Variants in CCDC146 observed in about 807,000 individuals in gnomAD.
CCDC146 encodes the protein coiled-coil domain-containing protein 146.
In CCDC146, 92 loss-of-function variants were observed where a neutral mutation model predicts 119.3. The ratio of observed to expected loss-of-function variants is 0.77; its 90% CI spans 0.65 to 0.92. CCDC146 has a LOEUF of 0.92. Ranked by LOEUF, CCDC146 falls within the 40% of genes least tolerant of loss-of-function variation. CCDC146 has a pLI of 0.00. For missense variants in CCDC146, 1,000 were observed against 1,103.0 expected (o/e 0.91, Z 1.32); for synonymous variants, 372 against 371.8 (o/e 1.00, Z -0.01).
intron 1 of CCDC146, among the ~76,000 whole-genome samples, chr7:77,143,570 A>G (rs13245020): frequency 0.15 from 22,548 of 151,952 alleles, 2,454 homozygotes; most frequent in Non-Finnish European, 0.21. Flanking sequence ...TAAGACTTTA[A>G]TCAATCTTGA....
intron 2 of CCDC146, among the ~76,000 whole-genome samples, chr7:77,185,705 C>T (rs1791657117): frequency 6.6e-6 from 1 of 152,084 alleles, no homozygotes; most frequent in African/African-American, 2.4e-5. Context: ...CATGCACAAG[C>T]GTCAAGACCA....
At chr7:77,271,541 T>C (rs1335619589) in intron 9 of CCDC146, among the ~76,000 whole-genome samples, 3 of 93,342 alleles carry the variant, frequency 3.2e-5, no homozygotes, top group African/African-American at 1.5e-4. Flanking sequence ...TATATATATA[T>C]ATATATATAT....
chr7:77,130,600 T>TC lies in CCDC146; in HGVS notation c.-12+7868_-12+7869insC, dbSNP rs1362110921. On this transcript the variant is annotated intron_variant, in intron 1 of 18. Transcript: ENST00000285871. Reference sequence around the variant, plus strand: ...GCCAGCATAATATCCTTTCTTTCTTTTTTTTTTTTTTTTTTTGAGACGGAG... The same window carrying TC: ...GCCAGCATAATATCCTTTCTTTCTTTCTTTTTTTTTTTTTTTTGAGACGGAG... Among the ~76,000 whole-genome samples, 43 of 110,816 alleles carry TC rather than the reference T, an allele frequency of 3.9e-4. 1 individual carries two copies. Among genetic ancestry groups the TC allele is most frequent in the African/African-American group, 1.3e-3 (42 of 33,458 alleles). 72.7% of individuals were successfully genotyped at this position (110,816 alleles called of 152,430 possible). A position where few individuals can be genotyped will look rare whatever the true frequency, so the allele number is the denominator to read the frequency against.
chr7:77,164,774 C>T (rs1361820099), intron 1 of CCDC146, among the ~76,000 whole-genome samples: 2 of 152,142 alleles, frequency 1.3e-5, no homozygotes, highest in Non-Finnish European at 2.9e-5. Context: ...TCTGTGACCA[C>T]CTGACTAATA....
intron 17 of CCDC146, among the ~76,000 whole-genome samples, chr7:77,292,300 A>ATTTTTT (rs1793959626): frequency 1.6e-5 from 1 of 61,782 alleles, no homozygotes; most frequent in Non-Finnish European, 2.9e-5. Flanking sequence ...TCTTTATTTT[A>ATTTTTT]ATTTTTTTTT....
chr7:77,230,595 T>C (rs1477209411), intron 2 of CCDC146, among the ~76,000 whole-genome samples: 1 of 152,130 alleles, frequency 6.6e-6, no homozygotes, highest in Non-Finnish European at 1.5e-5. Context: ...GTTACTCTTA[T>C]GTGATTCCCT....
intron 1 of CCDC146, among the ~76,000 whole-genome samples, chr7:77,155,608 T>C (rs910828108): frequency 1.3e-5 from 2 of 152,212 alleles, no homozygotes; most frequent in Non-Finnish European, 2.9e-5. Context: ...ACATCATTTA[T>C]ACTCTCTGAT....
At chr7:77,164,111 C>A (rs1424792348) in intron 1 of CCDC146, among the ~76,000 whole-genome samples, 1 of 151,952 alleles carries the variant, frequency 6.6e-6, no homozygotes, top group African/African-American at 2.4e-5. Flanking sequence ...AATCCACCTG[C>A]CTCCGTCTCC....
intron 1 of CCDC146, among the ~76,000 whole-genome samples, chr7:77,126,130 T>C (rs1411810847): frequency 6.6e-6 from 1 of 152,126 alleles, no homozygotes; most frequent in African/African-American, 2.4e-5. Context: ...TTAAGGAAGT[T>C]TACTTTCTAA....
intron 2 of CCDC146, among the ~76,000 whole-genome samples, chr7:77,183,600 C>G (rs951485489): frequency 6.6e-6 from 1 of 152,148 alleles, no homozygotes; most frequent in African/African-American, 2.4e-5. Context: ...GCTTTCTTCC[C>G]TGTTTCTGTG....
chr7:77,139,373 A>T (rs1326863310), intron 1 of CCDC146, among the ~76,000 whole-genome samples: 1 of 152,218 alleles, frequency 6.6e-6, no homozygotes, highest in Non-Finnish European at 1.5e-5. Flanking sequence ...GTGGAGAGAG[A>T]TGCATAGGCA....
At chr7:77,181,959 G>A (rs984723789) in intron 2 of CCDC146, among the ~76,000 whole-genome samples, 3 of 152,028 alleles carry the variant, frequency 2.0e-5, no homozygotes, top group Non-Finnish European at 4.4e-5. Context: ...TGGTATGTAC[G>A]TTGATGTAGG....
At chr7:77,233,538 G>A (rs1792675928) in intron 2 of CCDC146, among the ~76,000 whole-genome samples, 1 of 152,086 alleles carries the variant, frequency 6.6e-6, no homozygotes, top group Non-Finnish European at 1.5e-5. Flanking sequence ...TTGACACCAG[G>A]GACCAGTTTC....
intron 1 of CCDC146, among the ~76,000 whole-genome samples, chr7:77,142,471 G>T (rs1422233572): frequency 6.6e-6 from 1 of 151,646 alleles, no homozygotes; most frequent in Non-Finnish European, 1.5e-5. Flanking sequence ...GTGCAGGTTT[G>T]TTACATCTGT....
At chr7:77,158,202 T>A (rs1394271476) in intron 1 of CCDC146, among the ~76,000 whole-genome samples, 1 of 152,132 alleles carries the variant, frequency 6.6e-6, no homozygotes, top group African/African-American at 2.4e-5. Context: ...TGCCTTACTT[T>A]CTCTTCAGAT....
intron 4 of CCDC146, among the ~76,000 whole-genome samples, chr7:77,249,618 T>C (rs1793020737): frequency 1.3e-5 from 2 of 152,004 alleles, no homozygotes; most frequent in African/African-American, 2.4e-5. Context: ...GAAATTAATT[T>C]AGTGACTCAT....
chr7:77,265,108 C>T (rs946964949), intron 9 of CCDC146, among the ~76,000 whole-genome samples: 3 of 152,198 alleles, frequency 2.0e-5, no homozygotes, highest in Admixed American at 6.5e-5. Context: ...AAGCACAGCA[C>T]GTTAGGATGT....
At chr7:77,156,872 A>G (rs947041599) in intron 1 of CCDC146, among the ~76,000 whole-genome samples, 5 of 151,664 alleles carry the variant, frequency 3.3e-5, no homozygotes, top group Admixed American at 3.3e-4. Flanking sequence ...TAAATTTTAT[A>G]GACTTTTTAT....
chr7:77,157,556 C>T (rs1791196291), intron 1 of CCDC146, among the ~76,000 whole-genome samples: 1 of 152,132 alleles, frequency 6.6e-6, no homozygotes, highest in Non-Finnish European at 1.5e-5. Flanking sequence ...CAAGGGGTAC[C>T]CTGCAATGTT....
Sources: allele counts gnomAD v4.1 joint callset (sites outside exome capture counted in the v4.1 genomes callset), GRCh38; gene constraint gnomAD v4.1.1; transcripts MANE v1.5; gene names NCBI Gene and HGNC (gene_info 2026-07-23, HGNC 2026-07-21).